The following ANKRD63 variants were observed in gnomAD, a reference collection of about 807,000 sequenced individuals.
ANKRD63 encodes the protein ankyrin repeat domain-containing protein 63.
Under a neutral mutation model 21.2 loss-of-function variants are expected in ANKRD63, and 18 were observed. The observed-to-expected ratio is 0.85, with a 90% CI of 0.59 to 1.26. ANKRD63 has a LOEUF of 1.26. Among genes scored for constraint, ANKRD63 ranks in the 50% most tolerant of loss-of-function variants. ANKRD63 has a pLI of 0.00. For missense variants in ANKRD63, 523 were observed against 570.9 expected (o/e 0.92, Z 0.85); for synonymous variants, 322 against 273.3 (o/e 1.18, Z -1.76).
rs978725634 is a variant in ANKRD63 at position 40,279,848 on chromosome 15, C to T, written c.*1596G>A. Among the ~76,000 whole-genome samples the T allele has an allele frequency of 2.0e-5, 3 of 152,238 alleles. No individual in the cohort carries two copies. The highest frequency in any genetic ancestry group is 4.8e-5 in the African/African-American group (2 of 41,450). On this transcript the variant is annotated 3_prime_UTR_variant, in exon 1 of 1. Transcript: ENST00000434396. ...GCAGGTGAAAGGCTTCAAGTTCCAC[C>T]CTCAGGGTTCACAAAAGAGCCCCAC...
rs1310472875 is a variant in ANKRD63, at chr15:40,282,371, C to G, written c.216G>C (p.Glu72Asp). The change falls in exon 1 of 1, where the codon GAG becomes GAC. Residue 72 changes from glutamate to aspartate, a missense_variant. By Grantham distance (45) the Glu-to-Asp change is conservative (BLOSUM62 2). Transcript: ENST00000434396. ...CTCGCAGGTTCACTGCAGCACCCTG[C>G]TCGAGCAGCAGCCGCACGAAGCGCG... is the stretch of plus-strand genomic sequence containing the variant. ...LRARFVRLLL[E>D]QGAAVNLRDE... is the part of the protein sequence containing the mutation. The G allele has an allele frequency of 6.7e-7, 1 of 1,500,546 alleles. No homozygotes were observed. The highest frequency in any genetic ancestry group is 8.8e-7 in the Non-Finnish European group (1 of 1,133,956). 93.0% of individuals were successfully genotyped at this position (1,500,546 alleles called of 1,614,324 possible).
chr15:40,280,943 C>G lies in ANKRD63; in HGVS notation c.*501G>C, dbSNP rs538333231. Among the ~76,000 whole-genome samples, 15 of 152,358 alleles carry G rather than the reference C, an allele frequency of 9.8e-5. No individual in the cohort carries two copies. The South Asian group carries it at 2.9e-3, about 29-fold the overall frequency. On this transcript the variant is annotated 3_prime_UTR_variant, in exon 1 of 1. Transcript: ENST00000434396. ...CCAGTCCTGAAAGGCTCTAGGGCCC[C>G]CTCCGTCCTTTCCTTCTCCCACACT...
Position 40,281,532 on chromosome 15 carries a change from A to C in ANKRD63, c.1055T>G (p.Leu352Ter). ...CGAGACAGACAGAGCGTTGGCCTCT[A>C]ACTCCGGGCCACTCTCGGGCCCTGG... ...EAPGPESGPE[L>*]EANALSVSVP... Residue 352 changes from leucine (L) to a stop codon, truncating the protein, a stop_gained, in exon 1 of 1, where the codon TTA becomes TGA. Coordinates refer to ENST00000434396, the MANE Select transcript of ANKRD63 (RefSeq NM_001190479.3). LOFTEE classifies it high-confidence loss of function. The C allele has an allele frequency of 2.0e-6, 3 of 1,525,438 alleles. No homozygotes were observed. Among genetic ancestry groups the C allele is most frequent in the Non-Finnish European group, 2.6e-6 (3 of 1,141,614 alleles). The allele number at this position is 1,525,438 out of a possible 1,614,324, so 94.5% of individuals were successfully genotyped here. A position where few individuals can be genotyped will look rare whatever the true frequency, so the allele number is the denominator to read the frequency against.
rs1378236524 is a variant in ANKRD63, at chr15:40,281,492, G to A, written c.1095C>T (p.Asn365=). ...NALSVSVPGP[N]PWQAGTEAVV... ...CAGCCTCGGTGCCCGCCTGCCAAGG[G>A]TTCGGCCCAGGCACCGAGACAGACA... Residue 365 remains asparagine, a synonymous_variant, in exon 1 of 1, where the codon AAC becomes AAT. Coordinates refer to ENST00000434396, the MANE Select transcript of ANKRD63 (RefSeq NM_001190479.3). 1.4e-6 allele frequency: 2 copies of A among 1,455,170 alleles called. No homozygotes were observed. The highest frequency in any genetic ancestry group is 1.4e-5 in the African/African-American group (1 of 69,632). 90.1% of individuals were successfully genotyped at this position (1,455,170 alleles called of 1,614,324 possible).
rs1207268049 is a variant in ANKRD63, at chr15:40,279,951, G to A, written c.*1493C>T. Among the ~76,000 whole-genome samples the A allele has an allele frequency of 6.6e-6, 1 of 152,178 alleles. No homozygotes were observed. The highest frequency in any genetic ancestry group is 1.5e-5 in the Non-Finnish European group (1 of 68,032). On this transcript the variant is annotated 3_prime_UTR_variant, in exon 1 of 1. Coordinates refer to ENST00000434396, the MANE Select transcript of ANKRD63 (RefSeq NM_001190479.3). ...AAGGTCCTAGCGCACCCGTCCCGCC[G>A]GACCCCCGCCCCCAACCCCGCCGCC...
chr15:40,278,568 A>C lies in ANKRD63; in HGVS notation c.*2876T>G, dbSNP rs2039508089. ...AAGCAACAAGAACTGGAAAAGCAAA[A>C]TATTTAGAAAAGTCTCTTCTGAAGG... is the stretch of plus-strand genomic sequence containing the variant. On this transcript the variant is annotated 3_prime_UTR_variant, in exon 1 of 1. Coordinates refer to ENST00000434396, the MANE Select transcript of ANKRD63 (RefSeq NM_001190479.3). Among the ~76,000 whole-genome samples the C allele has an allele frequency of 1.0e-5, 1 of 95,594 alleles. No individual in the cohort carries two copies. The highest frequency in any genetic ancestry group is 2.9e-4 in the South Asian group (1 of 3,452). The allele number at this position is 95,594 out of a possible 152,430, so 62.7% of individuals were successfully genotyped here.
rs893765632 is a variant in ANKRD63 at position 40,279,488 on chromosome 15, A to C, written c.*1956T>G. On this transcript the variant is annotated 3_prime_UTR_variant, in exon 1 of 1. Coordinates refer to ENST00000434396, the MANE Select transcript of ANKRD63 (RefSeq NM_001190479.3). ...CACGATAAATGCACATGGATGAAGA[A>C]GTACACAGGGGTGATCCCAAAGAAA... Among the ~76,000 whole-genome samples the C allele has an allele frequency of 6.6e-6, 1 of 152,246 alleles. No individual in the cohort carries two copies. The highest frequency in any genetic ancestry group is 1.5e-5 in the Non-Finnish European group (1 of 68,040).
chr15:40,280,094 A>G lies in ANKRD63; in HGVS notation c.*1350T>C, dbSNP rs985274308. ...TTGCCTCTGACTTACTCATCTACCC[A>G]GTAATAAAACTGGGCCGGGCCTGCG... On this transcript the variant is annotated 3_prime_UTR_variant, in exon 1 of 1. Transcript: ENST00000434396. 2.0e-5 allele frequency among the ~76,000 whole-genome samples: 3 copies of G among 152,212 alleles called. No homozygotes were observed. The highest frequency in any genetic ancestry group is 7.2e-5 in the African/African-American group (3 of 41,462).
At position 40,282,334 on chromosome 15, in the gene ANKRD63, G is replaced by C. The variant is rs1472011650; in HGVS notation, c.253C>G (p.Arg85Gly). 6.6e-7 allele frequency: 1 copy of C among 1,512,486 alleles called. No individual in the cohort carries two copies. The highest frequency in any genetic ancestry group is 1.4e-5 in the African/African-American group (1 of 69,636). The allele number at this position is 1,512,486 out of a possible 1,614,324, so 93.7% of individuals were successfully genotyped here. ...AAVNLRDERG[R>G]TALSLACERG... ...TCGCACGCCAGGCTGAGTGCGGTGC[G>C]GCCGCGCTCGTCTCGCAGGTTCACT... The change falls in exon 1 of 1, where the codon CGC becomes GGC. Residue 85 changes from arginine (R) to glycine (G), a missense_variant. Coordinates refer to ENST00000434396, the MANE Select transcript of ANKRD63 (RefSeq NM_001190479.3).
Position 40,281,681 on chromosome 15 carries a change from G to A in ANKRD63, c.906C>T (p.Pro302=), listed in dbSNP as rs2039544672. ...CAATGGGGGCTTGCGCTAAGGTTGG[G>A]GGCGCTCCCTCCAGCACCTCCTGTG... ...WRSQEVLEGA[P]PTLAQAPIGL... Residue 302 remains proline (P), a synonymous_variant, in exon 1 of 1, where the codon CCC becomes CCT. Transcript: ENST00000434396. 6.5e-7 allele frequency: 1 copy of A among 1,531,034 alleles called. No homozygotes were observed. Among genetic ancestry groups the A allele is most frequent in the Non-Finnish European group, 8.7e-7 (1 of 1,143,676 alleles). The allele number at this position is 1,531,034 out of a possible 1,614,324, so 94.8% of individuals were successfully genotyped here.
At position 40,281,611 on chromosome 15, in the gene ANKRD63, C is replaced by G. The variant is rs926516739; in HGVS notation, c.976G>C (p.Gly326Arg). Residue 326 changes from glycine (G) to arginine (R), a missense_variant, in exon 1 of 1, where the codon GGT becomes CGT. Around this residue, in one of 2 missense-constraint regions of ANKRD63, gnomAD observed 308 missense variants for 290.4 expected, o/e 1.06. Coordinates refer to ENST00000434396, the MANE Select transcript of ANKRD63 (RefSeq NM_001190479.3). ...PEGGPGSGRL[G>R]LRRRSTAPDI... ...GGGGCTGTGGAGCGTCGGCGCAAAC[C>G]CAGGCGGCCAGAGCCGGGGCCGCCC... 5 of 1,528,242 alleles carry G rather than the reference C, an allele frequency of 3.3e-6. No individual in the cohort carries two copies. In the African/African-American group the frequency reaches 5.5e-5, roughly 17 times the overall value. The allele number at this position is 1,528,242 out of a possible 1,614,324, so 94.7% of individuals were successfully genotyped here.
rs903562787 is a variant in ANKRD63 at position 40,280,711 on chromosome 15, G to A, written c.*733C>T. Among the ~76,000 whole-genome samples the A allele has an allele frequency of 6.6e-6, 1 of 152,272 alleles. No individual in the cohort carries two copies. The highest frequency in any genetic ancestry group is 1.9e-4 in the East Asian group (1 of 5,196). The stretch of plus-strand genomic sequence containing the variant: ...CCCGGAGTTGGCCTGGGTAGGGGTT[G>A]TGTGGAGCAGTGACTCCACATTATC... On this transcript the variant is annotated 3_prime_UTR_variant, in exon 1 of 1. Transcript: ENST00000434396.
Position 40,281,314 on chromosome 15 carries a change from G to A in ANKRD63, c.*130C>T, listed in dbSNP as rs1046625836. ...GGAGGGCTGGTGGAGGTCTCGCCTT[G>A]GCAGGGAGGCAGGTTCCAAAATGGA... On this transcript the variant is annotated 3_prime_UTR_variant, in exon 1 of 1. Transcript: ENST00000434396. 4.3e-6 allele frequency: 3 copies of A among 698,802 alleles called. No individual in the cohort carries two copies. Among genetic ancestry groups the A allele is most frequent in the Non-Finnish European group, 6.3e-6 (3 of 476,144 alleles). 43.3% of individuals were successfully genotyped at this position (698,802 alleles called of 1,614,324 possible). A position where few individuals can be genotyped will look rare whatever the true frequency, so the allele number is the denominator to read the frequency against.
At position 40,281,484 on chromosome 15, in the gene ANKRD63, T is replaced by A; in HGVS notation, c.1103A>T (p.Gln368Leu). Residue 368 changes from glutamine (Q) to leucine (L), a missense_variant, in exon 1 of 1, where the codon CAG (glutamine) becomes CTG (leucine). Gln to Leu is a moderately radical substitution (Grantham distance 113). Coordinates refer to ENST00000434396, the MANE Select transcript of ANKRD63 (RefSeq NM_001190479.3). ...CAGCACCACAGCCTCGGTGCCCGCC[T>A]GCCAAGGGTTCGGCCCAGGCACCGA... ...SVSVPGPNPW[Q>L]AGTEAVVLRA... 1 of 1,437,298 alleles carries A rather than the reference T, an allele frequency of 7.0e-7. No homozygotes were observed. Among genetic ancestry groups the A allele is most frequent in the Non-Finnish European group, 9.1e-7 (1 of 1,099,312 alleles). The allele number at this position is 1,437,298 out of a possible 1,614,324, so 89.0% of individuals were successfully genotyped here.
Position 40,281,462 on chromosome 15 carries a change from C to A in ANKRD63, c.1125G>T (p.Val375=). The A allele has an allele frequency of 7.0e-7, 1 of 1,422,256 alleles. No individual in the cohort carries two copies. 88.1% of individuals were successfully genotyped at this position (1,422,256 alleles called of 1,614,324 possible). A position where few individuals can be genotyped will look rare whatever the true frequency, so the allele number is the denominator to read the frequency against. ...NPWQAGTEAV[V]LRAQR ...GCGCCGTTTACCGCTGAGCACGCAG[C>A]ACCACAGCCTCGGTGCCCGCCTGCC... Residue 375 remains valine, a synonymous_variant, in exon 1 of 1, where the codon GTG becomes GTT. Transcript: ENST00000434396.
rs2039563042 is a variant in ANKRD63, at chr15:40,282,942, T to A, written c.-356A>T. Reference sequence around the variant, plus strand: ...TTTCCCGGTGTCCGGCGCCCCTCAGTCCTCGTGGTTTGGAGCCGCCGTGCC... The same window carrying A: ...TTTCCCGGTGTCCGGCGCCCCTCAGACCTCGTGGTTTGGAGCCGCCGTGCC... On this transcript the variant is annotated 5_prime_UTR_variant, in exon 1 of 1. Transcript: ENST00000434396. 1.3e-5 allele frequency among the ~76,000 whole-genome samples: 2 copies of A among 152,112 alleles called. No individual in the cohort carries two copies. The highest frequency in any genetic ancestry group is 1.3e-4 in the Admixed American group (2 of 15,290).
rs1274098210 is a variant in ANKRD63 at position 40,282,782 on chromosome 15, C to T, written c.-196G>A. Among the ~76,000 whole-genome samples, 1 of 152,198 alleles carries T rather than the reference C, an allele frequency of 6.6e-6. No individual in the cohort carries two copies. The highest frequency in any genetic ancestry group is 1.9e-4 in the East Asian group (1 of 5,194). On this transcript the variant is annotated 5_prime_UTR_variant, in exon 1 of 1. In the 5' UTR this introduces an upstream ATG that the reference lacks. Coordinates refer to ENST00000434396, the MANE Select transcript of ANKRD63 (RefSeq NM_001190479.3). Reference sequence around the variant, plus strand: ...ACTGCCCCGCCGCTCCTGGGCCGCACGCCTGGCGTGTCGCCGCTCCTTCCC... The same window carrying T: ...ACTGCCCCGCCGCTCCTGGGCCGCATGCCTGGCGTGTCGCCGCTCCTTCCC...
In ANKRD63 at chr15:40,282,298, G is replaced by A; in HGVS notation, c.289C>T (p.Leu97=). ...TGCACCAGCAGCTGCACGGCGTCCA[G>A]GTGGCCTCGCTCGCACGCCAGGCTG... ...ALSLACERGH[L]DAVQLLVQFS... Residue 97 remains leucine, a synonymous_variant, in exon 1 of 1, where the codon CTG becomes TTG. Transcript: ENST00000434396. The A allele has an allele frequency of 1.3e-6, 2 of 1,518,650 alleles. No homozygotes were observed. The highest frequency in any genetic ancestry group is 1.2e-5 in the South Asian group (1 of 82,486). The allele number at this position is 1,518,650 out of a possible 1,614,324, so 94.1% of individuals were successfully genotyped here. A position where few individuals can be genotyped will look rare whatever the true frequency, so the allele number is the denominator to read the frequency against.
rs1333010493 is a variant in ANKRD63 at position 40,282,602 on chromosome 15, G to A, written c.-16C>T. 3 of 1,372,782 alleles carry A rather than the reference G, an allele frequency of 2.2e-6. No homozygotes were observed. Among genetic ancestry groups the A allele is most frequent in the African/African-American group, 3.1e-5 (2 of 65,400 alleles). The allele number at this position is 1,372,782 out of a possible 1,614,324, so 85.0% of individuals were successfully genotyped here. On this transcript the variant is annotated 5_prime_UTR_variant, in exon 1 of 1. Transcript: ENST00000434396. The stretch of plus-strand genomic sequence containing the variant: ...GTTTGAGCATGGCCCCGGCCGCCGC[G>A]CCCGGGCAGCCTGGCAGTTCCGCAC...
Sources: allele counts gnomAD v4.1 joint callset (sites outside exome capture counted in the v4.1 genomes callset), GRCh38; gene constraint gnomAD v4.1.1; regional missense constraint gnomAD v4.1.1; transcripts MANE v1.5; gene names NCBI Gene and HGNC (gene_info 2026-07-23, HGNC 2026-07-21).